The following MYO7B variants were observed in gnomAD, a reference collection of about 807,000 sequenced individuals.
MYO7B encodes the protein myosin VIIB.
Under a neutral mutation model 259.7 loss-of-function variants are expected in MYO7B, and 212 were observed. The observed-to-expected ratio is 0.82, with a 90% CI of 0.73 to 0.91. MYO7B has a LOEUF of 0.91. Among genes scored for constraint, MYO7B ranks in the 40% least tolerant of loss-of-function variants. MYO7B has a pLI of 0.00. For missense variants in MYO7B, 2,732 were observed against 2,813.5 expected, an observed-to-expected ratio of 0.97 and a Z score of 0.66; for synonymous variants, 1,197 against 1,166.4, an observed-to-expected ratio of 1.03 and a Z score of -0.54.
rs114649070 is a variant in MYO7B, at chr2:127,629,415, G to A, written c.4625-230G>A. 4.1e-3 allele frequency among the ~76,000 whole-genome samples: 626 copies of A among 152,252 alleles called. 3 individuals carry two copies. The highest frequency in any genetic ancestry group is 0.014 in the African/African-American group (586 of 41,558). ...TCTCCCAGGGCTAGGGCTGCAGTCA[G>A]AGCTCTCGAGCCCCCACCCACCCTG... On this transcript the variant is annotated intron_variant, in intron 34 of 47. Coordinates refer to ENST00000409816, the MANE Select transcript of MYO7B (RefSeq NM_001393586.1).
At chr2:127,591,614 T>C (rs1679562751) in intron 16 of MYO7B, among the ~76,000 whole-genome samples, 1 of 152,208 alleles carries the variant, frequency 6.6e-6, no homozygotes, top group Non-Finnish European at 1.5e-5. Flanking sequence ...TACCCGAGGC[T>C]AAGCTCAGTG....
chr2:127,606,719 C>A (rs1461236654), intron 20 of MYO7B, among the ~76,000 whole-genome samples: 1 of 152,186 alleles, frequency 6.6e-6, no homozygotes, highest in Non-Finnish European at 1.5e-5. Context: ...TGCTGTGGCC[C>A]AGGGGATGTT....
At chr2:127,587,489 G>A (rs1039030785) in intron 14 of MYO7B, among the ~76,000 whole-genome samples, 3 of 151,898 alleles carry the variant, frequency 2.0e-5, no homozygotes, top group Non-Finnish European at 4.4e-5. Flanking sequence ...GCAGATGGCC[G>A]TCTTCTCTCT....
intron 30 of MYO7B, among the ~76,000 whole-genome samples, chr2:127,624,590 G>A (rs1005246539): frequency 7.9e-5 from 12 of 152,220 alleles, no homozygotes; most frequent in Admixed American, 6.5e-4. Context: ...TGTTTATGGG[G>A]CAGTGAGATC....
At position 127,627,443 on chromosome 2, in the gene MYO7B, C is replaced by G; in HGVS notation, c.4460+133C>G. On this transcript the variant is annotated intron_variant, in intron 33 of 47. Transcript: ENST00000409816. This position sits in a 1 kb window ranked among gnomAD's most constrained non-coding sequence, Gnocchi z 5.6. The stretch of plus-strand genomic sequence containing the variant: ...GCCGGGGTGGAGGGACAAGAATCTA[C>G]GTATGCGATGGCTTCTGTACTTCGG... 1.6e-6 allele frequency: 2 copies of G among 1,237,286 alleles called. No homozygotes were observed. The highest frequency in any genetic ancestry group is 2.3e-6 in the Non-Finnish European group (2 of 877,670). 76.6% of individuals were successfully genotyped at this position (1,237,286 alleles called of 1,614,324 possible). A position where few individuals can be genotyped will look rare whatever the true frequency, so the allele number is the denominator to read the frequency against.
intron 5 of MYO7B, among the ~76,000 whole-genome samples, chr2:127,567,427 G>T (rs1678400257): frequency 6.6e-6 from 1 of 152,168 alleles, no homozygotes; most frequent in South Asian, 2.1e-4. Context: ...CTCCAGTCCA[G>T]GTCCTGACTG....
chr2:127,592,789 C>T lies in MYO7B; in HGVS notation c.1993-5C>T. On this transcript the variant is annotated splice_region_variant and splice_polypyrimidine_tract_variant and intron_variant, in intron 16 of 47. Transcript: ENST00000409816. ...GCTGGGTCAGCGCCCGGTGTCCGCC[C>T]ACAGCTGTTCGACCGGGAGCTGTGC... is the stretch of plus-strand genomic sequence containing the variant. The T allele has an allele frequency of 6.2e-7, 1 of 1,608,106 alleles. No individual in the cohort carries two copies. The highest frequency in any genetic ancestry group is 2.2e-5 in the East Asian group (1 of 44,604).
At chr2:127,538,102 G>A (rs1054091086) in intron 1 of MYO7B, among the ~76,000 whole-genome samples, 3 of 152,174 alleles carry the variant, frequency 2.0e-5, no homozygotes, top group Non-Finnish European at 4.4e-5. Flanking sequence ...ACAGGTAGGG[G>A]TGGGAAGGGA....
At chr2:127,557,493 C>T (rs1677881598) in intron 1 of MYO7B, among the ~76,000 whole-genome samples, 1 of 152,016 alleles carries the variant, frequency 6.6e-6, no homozygotes, top group Non-Finnish European at 1.5e-5. Context: ...TGTCATATTA[C>T]CAGAATTGTT....
At chr2:127,560,342 T>A (rs1200667675) in intron 2 of MYO7B, among the ~76,000 whole-genome samples, 1 of 152,126 alleles carries the variant, frequency 6.6e-6, no homozygotes, top group African/African-American at 2.4e-5. Context: ...CCCAGTTGCC[T>A]CATTGCGGCA....
chr2:127,609,802 A>G lies in MYO7B; in HGVS notation c.3025-47A>G. ...GGCTCGGGGAAAGAAGGAAGGGGCC[A>G]TAGTCACTGATGGGTTCCCACTGGG... is the stretch of plus-strand genomic sequence containing the variant. On this transcript the variant is annotated intron_variant, in intron 23 of 47. Transcript: ENST00000409816. This position sits in a 1 kb window ranked among gnomAD's most constrained non-coding sequence, Gnocchi z 6.9. 1.2e-6 allele frequency: 2 copies of G among 1,612,612 alleles called. No homozygotes were observed. The highest frequency in any genetic ancestry group is 1.1e-5 in the South Asian group (1 of 91,060).
chr2:127,577,935 A>G lies in MYO7B; in HGVS notation c.850-198A>G, dbSNP rs1031722481. On this transcript the variant is annotated intron_variant, in intron 8 of 47. Coordinates refer to ENST00000409816, the MANE Select transcript of MYO7B (RefSeq NM_001393586.1). This position sits in a 1 kb window ranked among gnomAD's most constrained non-coding sequence, Gnocchi z 5.2. Reference sequence around the variant, plus strand: ...CTTGGCCAAGGTCACACAGTGGCCAAATGCTGGTGCTGGTGGCAAGGCCTG... The same window carrying G: ...CTTGGCCAAGGTCACACAGTGGCCAGATGCTGGTGCTGGTGGCAAGGCCTG... Among the ~76,000 whole-genome samples the G allele has an allele frequency of 6.6e-6, 1 of 152,236 alleles. No individual in the cohort carries two copies. The highest frequency in any genetic ancestry group is 1.5e-5 in the Non-Finnish European group (1 of 68,036).
chr2:127,631,102 G>A (rs1681475558), intron 36 of MYO7B, 104 bp from the exon 37 acceptor site: 2 of 1,438,524 alleles, frequency 1.4e-6, no homozygotes, highest in Admixed American at 2.6e-5. Flanking sequence ...GGCAGGGTGG[G>A]GTGCTCTGGC....
At chr2:127,624,403 G>A in intron 30 of MYO7B, 83 bp downstream of exon 30, 1 of 1,305,192 alleles carries the variant, frequency 7.7e-7, no homozygotes, top group Non-Finnish European at 1.0e-6. Context: ...TGGCTTCTGA[G>A]GCCAGGTAGA....
At chr2:127,596,228 T>C (rs1396338870) in intron 18 of MYO7B, among the ~76,000 whole-genome samples, 2 of 152,206 alleles carry the variant, frequency 1.3e-5, no homozygotes, top group Non-Finnish European at 2.9e-5. Flanking sequence ...GGATGCCAGA[T>C]TGAATTAGCA....
At position 127,615,019 on chromosome 2, in the gene MYO7B, C is replaced by T. The variant is rs1315141498; in HGVS notation, c.3398+2416C>T. On this transcript the variant is annotated intron_variant, in intron 26 of 47. Transcript: ENST00000409816. The surrounding 1 kb of genome is among the most constrained non-coding windows in gnomAD (Gnocchi z 4.4). ...TCTGGGTCAGGCCCCAGCCTGAGGGCCAGGGACAGAGATGAAGAAGACATG... is the reference window on the plus strand; with the variant it reads ...TCTGGGTCAGGCCCCAGCCTGAGGGTCAGGGACAGAGATGAAGAAGACATG... Among the ~76,000 whole-genome samples, 1 of 152,178 alleles carries T rather than the reference C, an allele frequency of 6.6e-6. No homozygotes were observed. The highest frequency in any genetic ancestry group is 2.4e-5 in the African/African-American group (1 of 41,440).
chr2:127,618,118 G>A (rs991228928), intron 26 of MYO7B, among the ~76,000 whole-genome samples: 1 of 152,054 alleles, frequency 6.6e-6, no homozygotes, highest in African/African-American at 2.4e-5. Context: ...GGTCCCTTCA[G>A]GTCTGTTTGT....
rs1199443260 is a variant in MYO7B at position 127,625,352 on chromosome 2, GC to G, written c.4048-13del. On this transcript the variant is annotated splice_polypyrimidine_tract_variant and intron_variant, in intron 30 of 47. Transcript: ENST00000409816. The stretch of plus-strand genomic sequence containing the variant: ...ACTTGTCTCACTCGCCCCCGTGGGT[GC>G]CCTGGGCTGTGCAGGAGGAAGAGCT... 1.5e-5 allele frequency: 23 copies of G among 1,533,322 alleles called. No homozygotes were observed. Among genetic ancestry groups the G allele is most frequent in the Middle Eastern group, 1.8e-4 (1 of 5,520 alleles). 95.0% of individuals were successfully genotyped at this position (1,533,322 alleles called of 1,614,324 possible). A position where few individuals can be genotyped will look rare whatever the true frequency, so the allele number is the denominator to read the frequency against.
rs1382446550 is a variant in MYO7B at position 127,624,179 on chromosome 2, G to A, written c.3906G>A (p.Gln1302=). ...TGGCCCAGGAGAGGGGCGAGAGCCA[G>A]CGCCAGTCACCCTGGCGCATCTACT... The part of the protein sequence containing the change: ...EQMAQERGES[Q]RQSPWRIYFR... The change falls in exon 30 of 48, where the codon CAG becomes CAA. Residue 1302 remains glutamine, a synonymous_variant. Coordinates refer to ENST00000409816, the MANE Select transcript of MYO7B (RefSeq NM_001393586.1). 1 of 1,597,490 alleles carries A rather than the reference G, an allele frequency of 6.3e-7. No individual in the cohort carries two copies. Among genetic ancestry groups the A allele is most frequent in the Non-Finnish European group, 8.5e-7 (1 of 1,172,828 alleles).
Sources: gnomAD v4.1 joint callset for allele counts (sites outside exome capture counted in the v4.1 genomes callset) on GRCh38, gnomAD v4.1.1 for gene constraint, Gnocchi (gnomAD v3.1) non-coding constraint, MANE v1.5 for transcripts, NCBI Gene and HGNC (gene_info 2026-07-23, HGNC 2026-07-21) for gene names.